ODAD2: variants seen among roughly 807,000 people sequenced by gnomAD.
ODAD2 encodes the protein outer dynein arm docking complex subunit 2.
A neutral mutation model predicts 106.8 loss-of-function variants in ODAD2; 89 were observed. That is an observed-to-expected ratio of 0.83 (90% CI 0.70 to 0.99). The LOEUF is 0.99. Among genes scored for constraint, ODAD2 ranks in the 50% least tolerant of loss-of-function variants. ODAD2 has a pLI of 0.00. For synonymous variants in ODAD2, 404 were observed against 436.2 expected, an observed-to-expected ratio of 0.93 and a Z score of 0.92; for missense variants, 1,168 against 1,238.5, an observed-to-expected ratio of 0.94 and a Z score of 0.85.
chr10:27,822,283 T>C (rs1215639998), intron 19 of ODAD2, among the ~76,000 whole-genome samples: 1 of 152,216 alleles, frequency 6.6e-6, no homozygotes, highest in Non-Finnish European at 1.5e-5. Context: ...TGTACCAATT[T>C]GAGTGATAAC....
intron 1 of ODAD2, among the ~76,000 whole-genome samples, chr10:27,996,151 T>G (rs1344474161): frequency 2.0e-5 from 3 of 152,250 alleles, no homozygotes; most frequent in African/African-American, 7.2e-5. Context: ...TGGCAGATAA[T>G]CTATACTTGT....
At position 27,833,969 on chromosome 10, in the gene ODAD2, G is replaced by A. The variant is rs74127119; in HGVS notation, c.3022-21344C>T. Reference sequence around the variant, plus strand: ...AAGCCGAGAAAGGACAGCGGTGAAGGTTCCACATGGCGCCACCTTACAGGG... The same window carrying A: ...AAGCCGAGAAAGGACAGCGGTGAAGATTCCACATGGCGCCACCTTACAGGG... On this transcript the variant is annotated intron_variant, in intron 19 of 19. Coordinates refer to ENST00000305242, the MANE Select transcript of ODAD2 (RefSeq NM_018076.5). Among the ~76,000 whole-genome samples the A allele has an allele frequency of 5.7e-3, 861 of 152,312 alleles. 5 individuals carry two copies. Among genetic ancestry groups the A allele is most frequent in the African/African-American group, 0.019 (808 of 41,560 alleles).
intron 6 of ODAD2, 109 bp from the exon 7 acceptor site, chr10:27,981,691 C>A (rs1013832809): frequency 2.0e-5 from 16 of 796,992 alleles, no homozygotes; most frequent in Non-Finnish European, 2.9e-5. Context: ...TCCGAAGGAT[C>A]TATATGGTAG....
rs76407162 is a variant in ODAD2, at chr10:27,983,791, G to A, written c.819+52C>T. Reference sequence around the variant, plus strand: ...GGGACACACCCTTGAGACATCTACAGCTAACAATCAAAGTCCACTGGCTTT... The same window carrying A: ...GGGACACACCCTTGAGACATCTACAACTAACAATCAAAGTCCACTGGCTTT... On this transcript the variant is annotated intron_variant, in intron 6 of 19. Transcript: ENST00000305242. The A allele has an allele frequency of 9.8e-4, 1,522 of 1,547,544 alleles. 13 individuals carry two copies. In the African/African-American group the frequency reaches 0.017, roughly 17 times the overall value.
At chr10:27,827,379 CT>C (rs1837139412) in intron 19 of ODAD2, among the ~76,000 whole-genome samples, 5 of 132,470 alleles carry the variant, frequency 3.8e-5, no homozygotes, top group South Asian at 2.5e-4. Flanking sequence ...CACACACACA[CT>C]ATATATATAT....
rs1278078236 is a variant in ODAD2, at chr10:27,987,545, T to TA, written c.225-3dup. The TA allele has an allele frequency of 6.3e-7, 1 of 1,597,786 alleles. No homozygotes were observed. The highest frequency in any genetic ancestry group is 1.4e-5 in the African/African-American group (1 of 73,696). On this transcript the variant is annotated splice_region_variant and splice_polypyrimidine_tract_variant and intron_variant, in intron 2 of 19. Coordinates refer to ENST00000305242, the MANE Select transcript of ODAD2 (RefSeq NM_018076.5). The stretch of plus-strand genomic sequence containing the variant: ...TCTTCTGATTTGACTGTTGTTTCAC[T>TA]AAAAAATAAAAATAAAAAATTGAAA...
chr10:27,973,478 T>C (rs548046352), intron 7 of ODAD2, among the ~76,000 whole-genome samples: 2 of 152,244 alleles, frequency 1.3e-5, no homozygotes, highest in Non-Finnish European at 2.9e-5. Flanking sequence ...TCTGATCTTC[T>C]CCCTCCTCCC....
chr10:27,984,938 C>G, intron 4 of ODAD2, 81 bp downstream of exon 4: 1 of 783,104 alleles, frequency 1.3e-6, no homozygotes, highest in Non-Finnish European at 2.0e-6. Flanking sequence ...GAGACAGAGT[C>G]TTGCTCTGTC....
chr10:27,918,117 T>C (rs1844522482), intron 16 of ODAD2, among the ~76,000 whole-genome samples: 1 of 151,760 alleles, frequency 6.6e-6, no homozygotes, highest in Non-Finnish European at 1.5e-5. Context: ...GAAAAAATAA[T>C]CCTACACGAA....
intron 19 of ODAD2, among the ~76,000 whole-genome samples, chr10:27,829,174 G>A (rs1039829237): frequency 2.0e-5 from 3 of 152,114 alleles, no homozygotes; most frequent in African/African-American, 7.2e-5. Context: ...TTTTGGTTCA[G>A]CGTTCAAAAG....
At chr10:27,858,488 C>T (rs1839813668) in intron 19 of ODAD2, among the ~76,000 whole-genome samples, 1 of 152,142 alleles carries the variant, frequency 6.6e-6, no homozygotes, top group South Asian at 2.1e-4. Context: ...AGAAAGGCCC[C>T]CAAGAAACCC....
At chr10:27,903,117 C>T (rs1843328679) in intron 17 of ODAD2, among the ~76,000 whole-genome samples, 1 of 152,212 alleles carries the variant, frequency 6.6e-6, no homozygotes. Context: ...AAGTCAGCTT[C>T]ATCCCTGGGA....
chr10:27,982,550 T>A (rs1342639963), intron 6 of ODAD2, among the ~76,000 whole-genome samples: 1 of 152,180 alleles, frequency 6.6e-6, no homozygotes, highest in Non-Finnish European at 1.5e-5. Flanking sequence ...TACTGCCTCT[T>A]TGTAGAAATG....
chr10:27,971,019 CAAAAT>C (rs1230496150), intron 8 of ODAD2, 84 bp downstream of exon 8: 211 of 531,424 alleles, frequency 4.0e-4, no homozygotes, highest in African/African-American at 3.4e-3. Context: ...AACAAACAAA[CAAAAT>C]AAAATAAAAT....
intron 16 of ODAD2, among the ~76,000 whole-genome samples, chr10:27,912,005 C>G (rs917454576): frequency 6.6e-6 from 1 of 152,194 alleles, no homozygotes; most frequent in East Asian, 1.9e-4. Context: ...GCAAAATACA[C>G]GTTCAAATTC....
At chr10:27,990,043 A>C (rs563666725) in intron 2 of ODAD2, among the ~76,000 whole-genome samples, 383 of 152,298 alleles carry the variant, frequency 2.5e-3, no homozygotes, top group African/African-American at 7.7e-3. Flanking sequence ...CTGATGGAGA[A>C]ACTTTTAAAC....
At chr10:27,932,518 ATAT>A (rs1845686996) in intron 16 of ODAD2, among the ~76,000 whole-genome samples, 1 of 152,212 alleles carries the variant, frequency 6.6e-6, no homozygotes. Context: ...TGATACAAAA[ATAT>A]TATTACTAAC....
intron 16 of ODAD2, among the ~76,000 whole-genome samples, chr10:27,920,309 TTTTTA>T (rs1399664604): frequency 6.6e-6 from 1 of 152,218 alleles, no homozygotes. Flanking sequence ...TTTTAAAGGC[TTTTTA>T]TTTTATTGTG....
chr10:27,952,856 G>C (rs1048268943), intron 10 of ODAD2, among the ~76,000 whole-genome samples: 13 of 152,102 alleles, frequency 8.5e-5, no homozygotes, highest in African/African-American at 3.1e-4. Flanking sequence ...AAGGAGCTAT[G>C]AAACTTTTTT....
Sources: allele counts gnomAD v4.1 joint callset (sites outside exome capture counted in the v4.1 genomes callset), GRCh38; gene constraint gnomAD v4.1.1; transcripts MANE v1.5; gene names NCBI Gene and HGNC (gene_info 2026-07-23, HGNC 2026-07-21).